The following DIS3L2 variants were observed in gnomAD, a reference collection of about 807,000 sequenced individuals.
The protein encoded by DIS3L2 is DIS3 like 3'-5' exoribonuclease 2, also known as DIS3-like exonuclease 2.
A neutral mutation model predicts 97.5 loss-of-function variants in DIS3L2; 34 were observed. The ratio of observed to expected loss-of-function variants is 0.35; its 90% CI spans 0.27 to 0.46. DIS3L2 has a LOEUF of 0.46. Ranked by LOEUF, DIS3L2 falls within the 20% of genes least tolerant of loss-of-function variation. The pLI is 1.00. For synonymous variants in DIS3L2, 435 were observed against 445.2 expected, an observed-to-expected ratio of 0.98 and a Z score of 0.29; for missense variants, 1,038 against 1,146.0, an observed-to-expected ratio of 0.91 and a Z score of 1.36.
intron 1 of DIS3L2, among the ~76,000 whole-genome samples, chr2:231,989,376 T>C (rs953699919): frequency 1.1e-4 from 16 of 147,192 alleles, no homozygotes. Context: ...TGTGTGTGTA[T>C]GTGTGTGTTT....
chr2:232,089,117 T>C lies in DIS3L2; in HGVS notation c.601+1396T>C, dbSNP rs1696756775. ...TCTTCAGGACATGACTGGAGAAGGA[T>C]GACTGCTTTTCTCCATTGCTGAGGA... On this transcript the variant is annotated intron_variant, in intron 6 of 20. Coordinates refer to ENST00000325385, the MANE Select transcript of DIS3L2 (RefSeq NM_152383.5). Among the ~76,000 whole-genome samples, 3 of 152,354 alleles carry C rather than the reference T, an allele frequency of 2.0e-5. No individual in the cohort carries two copies. The South Asian group carries it at 6.2e-4, about 32-fold the overall frequency.
chr2:232,115,209 A>G (rs924283559), intron 6 of DIS3L2, among the ~76,000 whole-genome samples: 1 of 152,126 alleles, frequency 6.6e-6, no homozygotes, highest in Non-Finnish European at 1.5e-5. Context: ...TATTCAAACC[A>G]TAGCAGGAAG....
intron 10 of DIS3L2, among the ~76,000 whole-genome samples, chr2:232,233,091 A>G (rs890757642): frequency 2.6e-5 from 4 of 152,216 alleles, no homozygotes; most frequent in Non-Finnish European, 5.9e-5. Flanking sequence ...CACAGAGGTT[A>G]TTAGTGACCT....
intron 3 of DIS3L2, among the ~76,000 whole-genome samples, chr2:232,019,555 CTCTTT>C (rs1483645372): frequency 3.7e-5 from 2 of 53,806 alleles, no homozygotes; most frequent in East Asian, 7.6e-4. Flanking sequence ...CTGTCTCTCT[CTCTTT>C]TTTTTTTTTT....
chr2:232,087,721 G>C lies in DIS3L2; in HGVS notation c.601G>C (p.Gly201Arg). Residue 201 changes from glycine to arginine, a missense_variant and splice_region_variant, in exon 6 of 21, where the codon GGA (glycine) becomes CGA (arginine). This residue lies in a region of DIS3L2 where 813 missense variants were observed against 880.1 expected (regional missense o/e 0.92). Transcript: ENST00000325385. ...KKLSVCVSEK[G>R]REDGDAPVTK... ...ACTCTCAGTTTGTGTTTCTGAGAAAGGTGAGTACTAGACTATTGTCTTACT... is the reference window on the plus strand; with the variant it reads ...ACTCTCAGTTTGTGTTTCTGAGAAACGTGAGTACTAGACTATTGTCTTACT... The C allele has an allele frequency of 1.2e-6, 2 of 1,611,976 alleles. No individual in the cohort carries two copies. The highest frequency in any genetic ancestry group is 1.7e-6 in the Non-Finnish European group (2 of 1,178,338).
intron 5 of DIS3L2, among the ~76,000 whole-genome samples, chr2:232,067,922 T>C (rs1408319385): frequency 6.6e-6 from 1 of 152,160 alleles, no homozygotes; most frequent in East Asian, 1.9e-4. Flanking sequence ...ATGGGAATGT[T>C]TTCAAAGATG....
intron 5 of DIS3L2, among the ~76,000 whole-genome samples, chr2:232,036,925 C>T (rs944913563): frequency 2.0e-5 from 3 of 152,188 alleles, no homozygotes; most frequent in African/African-American, 7.2e-5. Flanking sequence ...CCGCCAGATG[C>T]CAGCTGGAGC....
At chr2:232,158,477 A>T (rs1690562348) in intron 8 of DIS3L2, among the ~76,000 whole-genome samples, 1 of 152,198 alleles carries the variant, frequency 6.6e-6, no homozygotes, top group African/African-American at 2.4e-5. Context: ...TTAGCCTGGC[A>T]GCTACAAGAG....
intron 1 of DIS3L2, among the ~76,000 whole-genome samples, chr2:232,008,236 G>A (rs1418764738): frequency 7.0e-6 from 1 of 142,280 alleles, no homozygotes; most frequent in African/African-American, 2.6e-5. Context: ...CCATATTGCT[G>A]TGGCTGTTCT....
intron 13 of DIS3L2, among the ~76,000 whole-genome samples, chr2:232,290,486 TCA>T (rs1413063536): frequency 1.3e-5 from 2 of 151,820 alleles, no homozygotes; most frequent in Non-Finnish European, 2.9e-5. Context: ...AGCAATGGAG[TCA>T]CCTTCAGAAG....
At chr2:232,114,278 A>G in intron 6 of DIS3L2, among the ~76,000 whole-genome samples, 1 of 151,404 alleles carries the variant, frequency 6.6e-6, no homozygotes, top group South Asian at 2.1e-4. Context: ...GCGCTGGAAT[A>G]AAGAGGAAAT....
intron 3 of DIS3L2, among the ~76,000 whole-genome samples, chr2:232,019,404 C>T (rs1694450127): frequency 6.6e-6 from 1 of 151,868 alleles, no homozygotes; most frequent in Non-Finnish European, 1.5e-5. Context: ...AAAAATCAGC[C>T]AGGCATGGTG....
At chr2:232,232,286 C>T (rs1051930364) in intron 10 of DIS3L2, among the ~76,000 whole-genome samples, 3 of 152,036 alleles carry the variant, frequency 2.0e-5, no homozygotes, top group Non-Finnish European at 4.4e-5. Context: ...GTCTGGGCTG[C>T]GTGCTCAGGG....
chr2:232,166,337 C>A (rs1010322802), intron 9 of DIS3L2, among the ~76,000 whole-genome samples: 2 of 151,968 alleles, frequency 1.3e-5, no homozygotes. Context: ...CACACACACA[C>A]ACGCGTGCGC....
In DIS3L2 at chr2:232,029,908, AAGCAG is replaced by A. The variant is rs1694756113; in HGVS notation, c.265-70_265-66del. Reference sequence around the variant, plus strand: ...TTGCTGTTTTCTATTTCAGTTATGAAAGCAGGCAATCTGTTTTTTGCTTTATGTGT... The same window carrying A: ...TTGCTGTTTTCTATTTCAGTTATGAAGCAATCTGTTTTTTGCTTTATGTGT... On this transcript the variant is annotated intron_variant, in intron 4 of 20. Coordinates refer to ENST00000325385, the MANE Select transcript of DIS3L2 (RefSeq NM_152383.5). 7 of 1,121,308 alleles carry A rather than the reference AAGCAG, an allele frequency of 6.2e-6. No homozygotes were observed. In the South Asian group the frequency reaches 1.0e-4, roughly 17 times the overall value. 69.5% of individuals were successfully genotyped at this position (1,121,308 alleles called of 1,614,324 possible).
At chr2:232,136,194 C>A (rs937731659) in intron 7 of DIS3L2, among the ~76,000 whole-genome samples, 1 of 152,152 alleles carries the variant, frequency 6.6e-6, no homozygotes, top group Non-Finnish European at 1.5e-5. Flanking sequence ...GCTGGAGTCC[C>A]ACATGTCTTT....
intron 12 of DIS3L2, chr2:232,260,599 A>G (rs1297657941): frequency 5.9e-5 from 9 of 152,242 alleles, no homozygotes; most frequent in Admixed American, 5.9e-4. Flanking sequence ...ATATGGAAAG[A>G]ATAGTTTCAG....
intron 6 of DIS3L2, among the ~76,000 whole-genome samples, chr2:232,123,115 C>T (rs1333606856): frequency 1.3e-5 from 2 of 152,030 alleles, no homozygotes; most frequent in African/African-American, 4.8e-5. Context: ...TGGAACCCAC[C>T]CACATACACC....
At position 232,334,283 on chromosome 2, in the gene DIS3L2, G is replaced by A. The variant is rs1284627246; in HGVS notation, c.2159-86G>A. The A allele has an allele frequency of 4.5e-5, 67 of 1,492,364 alleles. 1 individual carries two copies. The highest frequency in any genetic ancestry group is 5.8e-5 in the Non-Finnish European group (64 of 1,104,332). The allele number at this position is 1,492,364 out of a possible 1,614,324, so 92.4% of individuals were successfully genotyped here. ...TTGGGGTCCTAATCTGTCGGCGGGG[G>A]TGCAGCGCCATGCAGCCCATCCCCC... is the stretch of plus-strand genomic sequence containing the variant. On this transcript the variant is annotated intron_variant, in intron 17 of 20. Coordinates refer to ENST00000325385, the MANE Select transcript of DIS3L2 (RefSeq NM_152383.5).
Sources: gnomAD v4.1 joint callset for allele counts (sites outside exome capture counted in the v4.1 genomes callset) on GRCh38, gnomAD v4.1.1 for gene constraint, gnomAD v4.1.1 regional missense constraint, MANE v1.5 for transcripts, NCBI Gene and HGNC (gene_info 2026-07-23, HGNC 2026-07-21) for gene names.